TCERG1L: variants seen among roughly 807,000 people sequenced by gnomAD.
The protein encoded by TCERG1L is transcription elongation regulator 1-like protein.
A neutral mutation model predicts 56.3 loss-of-function variants in TCERG1L; 37 were observed. The observed-to-expected ratio is 0.66, with a 90% CI of 0.51 to 0.87. The LOEUF (loss-of-function observed/expected upper bound fraction) is 0.87, where lower values mean the gene tolerates loss of function less well. Ranked by LOEUF, TCERG1L falls within the 40% of genes least tolerant of loss-of-function variation. The probability of loss-of-function intolerance (pLI) is 0.00; values close to 1 mark genes in which losing one functional copy is unlikely to be tolerated. For synonymous variants in TCERG1L, 324 were observed against 326.3 expected, an observed-to-expected ratio of 0.99 and a Z score of 0.08; for missense variants, 799 against 774.2, an observed-to-expected ratio of 1.03 and a Z score of -0.38.
At chr10:131,096,070 C>A (rs1286024761) in intron 11 of TCERG1L, among the ~76,000 whole-genome samples, 1 of 152,248 alleles carries the variant, frequency 6.6e-6, no homozygotes, top group East Asian at 1.9e-4. Context: ...GCCTGCCAGG[C>A]ACCGTCGGGG....
intron 7 of TCERG1L, among the ~76,000 whole-genome samples, chr10:131,138,293 G>A (rs185112632): frequency 2.8e-4 from 43 of 152,128 alleles, no homozygotes; most frequent in African/African-American, 9.2e-4. Flanking sequence ...TAATAATACC[G>A]AAAAATAAAG....
chr10:131,257,049 G>GAAAGAAAGAAAGA (rs1564827261), intron 4 of TCERG1L, among the ~76,000 whole-genome samples: 59 of 140,316 alleles, frequency 4.2e-4, no homozygotes, highest in Admixed American at 3.3e-3. Flanking sequence ...AAGAAAGAAA[G>GAAAGAAAGAAAGA]AAAGAAAAGA....
chr10:131,203,964 G>A (rs151107613), intron 4 of TCERG1L, among the ~76,000 whole-genome samples: 237 of 152,346 alleles, frequency 1.6e-3, no homozygotes, highest in African/African-American at 5.2e-3. Context: ...CCCAAAGTAG[G>A]AAGCTAAGCC....
At chr10:131,307,563 A>G (rs1846828965) in intron 3 of TCERG1L, among the ~76,000 whole-genome samples, 1 of 152,192 alleles carries the variant, frequency 6.6e-6, no homozygotes, top group African/African-American at 2.4e-5. Flanking sequence ...AATGATCCAC[A>G]TGTTAAGGTG....
chr10:131,166,680 C>A, intron 5 of TCERG1L, 117 bp downstream of exon 5: 1 of 1,009,624 alleles, frequency 9.9e-7, no homozygotes, highest in Non-Finnish European at 1.5e-6. Flanking sequence ...CTTCACACAG[C>A]AGATGGCAGT....
Position 131,163,200 on chromosome 10 carries a change from G to A in TCERG1L, c.956C>T (p.Pro319Leu), listed in dbSNP as rs201354515. Residue 319 changes from proline (P) to leucine (L), a missense_variant, in exon 6 of 12, where the codon CCG becomes CTG. By Grantham distance (98) the Pro-to-Leu change is moderately conservative. Transcript: ENST00000368642. ...GCTGTCCTCTCCTCCCCCCAGCATC[G>A]GTGGAGGCTCCTTTCAACAGAAAGA... ...DGDKEDKEPPPMLGGGEDSTA... is the reference protein window; with the variant it reads ...DGDKEDKEPPLMLGGGEDSTA... 68 of 1,549,772 alleles carry A rather than the reference G, an allele frequency of 4.4e-5. No homozygotes were observed. In the East Asian group the frequency reaches 1.0e-3, roughly 24 times the overall value.
At chr10:131,147,890 G>A (rs1388744727) in intron 6 of TCERG1L, among the ~76,000 whole-genome samples, 1 of 152,234 alleles carries the variant, frequency 6.6e-6, no homozygotes, top group Non-Finnish European at 1.5e-5. Context: ...AAGCCACTCT[G>A]TTCTGCATGC....
chr10:131,183,064 C>T (rs1030313777), intron 4 of TCERG1L, among the ~76,000 whole-genome samples: 16 of 152,138 alleles, frequency 1.1e-4, no homozygotes, highest in African/African-American at 3.9e-4. Context: ...CCACCCATCA[C>T]TTGAAAGAAT....
intron 8 of TCERG1L, among the ~76,000 whole-genome samples, chr10:131,123,771 C>T (rs1444026898): frequency 6.6e-6 from 1 of 152,192 alleles, no homozygotes; most frequent in African/African-American, 2.4e-5. Flanking sequence ...AGGGTGAGAG[C>T]AGGTTCCTGC....
chr10:131,250,795 A>C (rs11017842), intron 4 of TCERG1L, among the ~76,000 whole-genome samples: 23,193 of 152,104 alleles, frequency 0.15, 2,292 homozygotes, highest in East Asian at 0.29. Flanking sequence ...TTCTGGTCAT[A>C]AACACTGACT....
intron 4 of TCERG1L, among the ~76,000 whole-genome samples, chr10:131,249,350 G>A (rs1424651683): frequency 6.6e-6 from 1 of 152,154 alleles, no homozygotes; most frequent in African/African-American, 2.4e-5. Flanking sequence ...GGCTTCCATG[G>A]CCCTGGCAGT....
At chr10:131,174,544 T>C (rs1222863458) in intron 4 of TCERG1L, among the ~76,000 whole-genome samples, 2 of 152,146 alleles carry the variant, frequency 1.3e-5, no homozygotes, top group Non-Finnish European at 2.9e-5. Context: ...CACCCGCCCG[T>C]TCCCCAGCAA....
chr10:131,298,187 T>G (rs941283324), intron 3 of TCERG1L, among the ~76,000 whole-genome samples: 9 of 151,904 alleles, frequency 5.9e-5, no homozygotes, highest in African/African-American at 1.7e-4. Context: ...GCTATAAATG[T>G]CCATCTAAGC....
intron 3 of TCERG1L, among the ~76,000 whole-genome samples, chr10:131,274,159 G>A (rs1444078088): frequency 1.1e-4 from 16 of 152,158 alleles, no homozygotes; most frequent in Non-Finnish European, 4.4e-5. Context: ...TGATCCCATA[G>A]ACATGGGAAA....
chr10:131,209,985 T>G (rs975998224), intron 4 of TCERG1L, among the ~76,000 whole-genome samples: 2 of 152,232 alleles, frequency 1.3e-5, no homozygotes, highest in African/African-American at 4.8e-5. Flanking sequence ...GATGCCGTCG[T>G]AATTTCGCTG....
chr10:131,225,330 G>A (rs570360280), intron 4 of TCERG1L, among the ~76,000 whole-genome samples: 1 of 152,280 alleles, frequency 6.6e-6, no homozygotes, highest in East Asian at 1.9e-4. Flanking sequence ...GGAAAAGCAT[G>A]CTACAGACAG....
intron 7 of TCERG1L, among the ~76,000 whole-genome samples, chr10:131,146,222 T>C (rs569989003): frequency 1.3e-5 from 2 of 152,360 alleles, no homozygotes; most frequent in South Asian, 4.1e-4. Context: ...GTAACAGTGA[T>C]GCTGGATGGA....
chr10:131,199,312 C>A (rs1467232809), intron 4 of TCERG1L, among the ~76,000 whole-genome samples: 2 of 152,212 alleles, frequency 1.3e-5, no homozygotes, highest in East Asian at 3.9e-4. Context: ...AGCTCTGCTT[C>A]TCTTTTGATT....
intron 1 of TCERG1L, among the ~76,000 whole-genome samples, chr10:131,310,881 T>C (rs1002518843): frequency 6.6e-6 from 1 of 152,204 alleles, no homozygotes; most frequent in Non-Finnish European, 1.5e-5. Context: ...AGCTATCGAT[T>C]TCCAGCTTGC....
Sources: allele counts gnomAD v4.1 joint callset (sites outside exome capture counted in the v4.1 genomes callset), GRCh38; gene constraint gnomAD v4.1.1; transcripts MANE v1.5; gene names NCBI Gene and HGNC (gene_info 2026-07-23, HGNC 2026-07-21).